PCDHGA6: variants seen among roughly 807,000 people sequenced by gnomAD.
PCDHGA6 encodes the protein protocadherin gamma subfamily A, 6.
PCDHGA6 carries 41 observed loss-of-function variants against 60.6 expected under a neutral mutation model. The ratio of observed to expected loss-of-function variants is 0.68; its 90% CI spans 0.53 to 0.88. The LOEUF (loss-of-function observed/expected upper bound fraction) is 0.88, where lower values mean the gene tolerates loss of function less well. PCDHGA6 is among the 40% of genes least tolerant of loss of function. PCDHGA6 has a pLI of 0.00. For synonymous variants in PCDHGA6, 594 were observed against 524.4 expected, an observed-to-expected ratio of 1.13 and a Z score of -1.81; for missense variants, 1,312 against 1,203.0, an observed-to-expected ratio of 1.09 and a Z score of -1.34.
In PCDHGA6 at chr5:141,412,148, C is replaced by T. The variant is rs183538712; in HGVS notation, c.2424+35641C>T. ...GGACTTTGGCCTCTGATACAAACTG[C>T]CTAAGAGAAGAGATTATTTATACTG... On this transcript the variant is annotated intron_variant, in intron 1 of 3. Coordinates refer to ENST00000517434, the MANE Select transcript of PCDHGA6 (RefSeq NM_018919.3). The T allele has an allele frequency of 3.1e-4, 47 of 152,220 alleles. 2 individuals carry two copies. The highest frequency in any genetic ancestry group is 1.1e-3 in the African/African-American group (45 of 41,552). The allele number at this position is 152,220 out of a possible 1,614,324, so 9.4% of individuals were successfully genotyped here.
At chr5:141,475,282 G>C (rs942761003) in intron 1 of PCDHGA6, among the ~76,000 whole-genome samples, 2 of 152,150 alleles carry the variant, frequency 1.3e-5, no homozygotes, top group African/African-American at 4.8e-5. Context: ...TGAAAGACAG[G>C]GTAGGGAAAT....
chr5:141,490,906 G>A lies in PCDHGA6; in HGVS notation c.2425-3901G>A, dbSNP rs2099705910. 1 of 1,613,798 alleles carries A rather than the reference G, an allele frequency of 6.2e-7. No individual in the cohort carries two copies. Among genetic ancestry groups the A allele is most frequent in the Non-Finnish European group, 8.5e-7 (1 of 1,179,808 alleles). ...CACATCTCTGCATGTGTTTGTCCTA[G>A]ACGAGAATGATAATGCCCCAGCTGT... On this transcript the variant is annotated intron_variant, in intron 1 of 3. Coordinates refer to ENST00000517434, the MANE Select transcript of PCDHGA6 (RefSeq NM_018919.3). The surrounding 1 kb of genome is among the most constrained non-coding windows in gnomAD (Gnocchi z 5.4).
intron 1 of PCDHGA6, chr5:141,423,675 T>C: frequency 1.3e-6 from 2 of 1,540,488 alleles, no homozygotes; most frequent in Non-Finnish European, 1.7e-6. Flanking sequence ...GATTTATTTC[T>C]CTGCCTCCTA....
intron 1 of PCDHGA6, among the ~76,000 whole-genome samples, chr5:141,471,046 CT>C (rs1170588345): frequency 0.24 from 27,253 of 113,216 alleles, 2,739 homozygotes; most frequent in African/African-American, 0.39. Context: ...CCCAAGCCCT[CT>C]TTTTTTTTTT....
chr5:141,458,609 A>T (rs1037852455), intron 1 of PCDHGA6, among the ~76,000 whole-genome samples: 1 of 152,004 alleles, frequency 6.6e-6, no homozygotes, highest in Non-Finnish European at 1.5e-5. Flanking sequence ...TCACTCTGTC[A>T]GCCAGGCTGG....
chr5:141,430,686 C>G, intron 1 of PCDHGA6: 1 of 1,397,218 alleles, frequency 7.2e-7, no homozygotes, highest in Non-Finnish European at 9.5e-7. Context: ...CTGTCCCATT[C>G]TATGGGCGAA....
At chr5:141,405,074 G>A (rs536930748) in intron 1 of PCDHGA6, 7 of 1,613,794 alleles carry the variant, frequency 4.3e-6, no homozygotes, top group Non-Finnish European at 5.1e-6. Context: ...CCTCACCTTC[G>A]TTATCACGCT....
chr5:141,445,303 G>A (rs145466142), intron 1 of PCDHGA6, among the ~76,000 whole-genome samples: 327 of 152,332 alleles, frequency 2.1e-3, no homozygotes, highest in African/African-American at 7.6e-3. Context: ...ATTCTCTTCA[G>A]TTTGTAGGTT....
chr5:141,397,985 C>A (rs1034752721), intron 1 of PCDHGA6: 3 of 1,315,640 alleles, frequency 2.3e-6, no homozygotes, highest in Non-Finnish European at 2.1e-6. Context: ...GGCCTTTACA[C>A]CGCTTCCTCC....
chr5:141,395,209 A>G, intron 1 of PCDHGA6: 1 of 1,613,372 alleles, frequency 6.2e-7, no homozygotes, highest in Non-Finnish European at 8.5e-7. Flanking sequence ...GATTTTCATG[A>G]ATATAAGAAT....
At position 141,434,489 on chromosome 5, in the gene PCDHGA6, C is replaced by G. The variant is rs921000136; in HGVS notation, c.2424+57982C>G. On this transcript the variant is annotated intron_variant, in intron 1 of 3. Coordinates refer to ENST00000517434, the MANE Select transcript of PCDHGA6 (RefSeq NM_018919.3). ...GAATGAGGGCAAGGAACACCTGGCC[C>G]GCCCAGGGCAGAAAACTGCTTAAAG... Among the ~76,000 whole-genome samples, 8 of 152,158 alleles carry G rather than the reference C, an allele frequency of 5.3e-5. 1 individual carries two copies. The highest frequency in any genetic ancestry group is 2.6e-4 in the Admixed American group (4 of 15,284).
chr5:141,409,480 C>G, intron 1 of PCDHGA6: 1 of 1,614,002 alleles, frequency 6.2e-7, no homozygotes, highest in Non-Finnish European at 8.5e-7. Context: ...TAGCCACTGA[C>G]AGGGGCAAGC....
intron 1 of PCDHGA6, chr5:141,379,063 C>G (rs1026715251): frequency 6.6e-6 from 1 of 152,184 alleles, no homozygotes; most frequent in African/African-American, 2.4e-5. Flanking sequence ...GGATTGGCCA[C>G]TTGTGCATCT....
intron 3 of PCDHGA6, among the ~76,000 whole-genome samples, chr5:141,508,646 G>A (rs1434098773): frequency 2.6e-5 from 4 of 152,014 alleles, no homozygotes; most frequent in African/African-American, 9.7e-5. Flanking sequence ...ACTCCGTCAG[G>A]CCCTTCCTGT....
Position 141,486,989 on chromosome 5 carries a change from G to A in PCDHGA6, c.2425-7818G>A. 1.9e-6 allele frequency: 3 copies of A among 1,614,168 alleles called. No individual in the cohort carries two copies. Among genetic ancestry groups the A allele is most frequent in the Non-Finnish European group, 2.5e-6 (3 of 1,180,034 alleles). On this transcript the variant is annotated intron_variant, in intron 1 of 3. Transcript: ENST00000517434. This position sits in a 1 kb window ranked among gnomAD's most constrained non-coding sequence, Gnocchi z 5.0. ...CTTGGATTCAGGTTACAATGCTTGG[G>A]TTTCCTATCAGCTCCTGGAGGCCCC...
In PCDHGA6 at chr5:141,485,804, G is replaced by C; in HGVS notation, c.2425-9003G>C. 6.2e-7 allele frequency: 1 copy of C among 1,614,218 alleles called. No homozygotes were observed. The highest frequency in any genetic ancestry group is 1.3e-5 in the African/African-American group (1 of 75,060). The stretch of plus-strand genomic sequence containing the variant: ...AGAGAAGCAATCGGACTACCGCCTG[G>C]TGCTGACTGCTGTCGATGGAGGGAA... On this transcript the variant is annotated intron_variant, in intron 1 of 3. Coordinates refer to ENST00000517434, the MANE Select transcript of PCDHGA6 (RefSeq NM_018919.3). This position sits in a 1 kb window ranked among gnomAD's most constrained non-coding sequence, Gnocchi z 5.7.
Position 141,476,591 on chromosome 5 carries a change from G to T in PCDHGA6, c.2425-18216G>T, listed in dbSNP as rs200254399. The T allele has an allele frequency of 6.2e-7, 1 of 1,614,230 alleles. No homozygotes were observed. The highest frequency in any genetic ancestry group is 8.5e-7 in the Non-Finnish European group (1 of 1,180,046). On this transcript the variant is annotated intron_variant, in intron 1 of 3. Transcript: ENST00000517434. The surrounding 1 kb of genome is among the most constrained non-coding windows in gnomAD (Gnocchi z 7.6). The stretch of plus-strand genomic sequence containing the variant: ...GGGGACGCGCTTTCCGCTCGAGAGC[G>T]CGCACGATCCCGATGTGGGAAGCAA...
At chr5:141,378,926 T>C (rs1342547905) in intron 1 of PCDHGA6, 1 of 152,216 alleles carries the variant, frequency 6.6e-6, no homozygotes, top group Non-Finnish European at 1.5e-5. Flanking sequence ...AAAAGTAAGT[T>C]GATGGCCCTG....
At position 141,374,059 on chromosome 5, in the gene PCDHGA6, C is replaced by T; in HGVS notation, c.-25C>T. The T allele has an allele frequency of 6.7e-7, 1 of 1,489,738 alleles. No homozygotes were observed. The highest frequency in any genetic ancestry group is 8.9e-7 in the Non-Finnish European group (1 of 1,120,922). The allele number at this position is 1,489,738 out of a possible 1,614,324, so 92.3% of individuals were successfully genotyped here. ...GATCTGTTCTTCCTCTTCTTAATCC[C>T]AGAGAAGTTCCTAATAAGCCAGTAA... On this transcript the variant is annotated 5_prime_UTR_variant, in exon 1 of 4. Coordinates refer to ENST00000517434, the MANE Select transcript of PCDHGA6 (RefSeq NM_018919.3).
Sources: gnomAD v4.1 joint callset for allele counts (sites outside exome capture counted in the v4.1 genomes callset) on GRCh38, gnomAD v4.1.1 for gene constraint, Gnocchi (gnomAD v3.1) non-coding constraint, MANE v1.5 for transcripts, NCBI Gene and HGNC (gene_info 2026-07-23, HGNC 2026-07-21) for gene names.